Variants in XIRP2 observed in about 807,000 individuals in gnomAD.
XIRP2 encodes the protein xin actin-binding repeat-containing protein 2.
Under a neutral mutation model 277.0 loss-of-function variants are expected in XIRP2, and 236 were observed. That is an observed-to-expected ratio of 0.85 (90% confidence interval 0.77 to 0.95). XIRP2 has a LOEUF of 0.95. Ranked by LOEUF, XIRP2 falls within the 40% of genes least tolerant of loss-of-function variation. The pLI is 0.00. For synonymous variants in XIRP2, 1,490 were observed against 1,416.5 expected, an observed-to-expected ratio of 1.05 and a Z score of -1.17; for missense variants, 4,640 against 4,157.5, an observed-to-expected ratio of 1.12 and a Z score of -3.19.
intron 2 of XIRP2, among the ~76,000 whole-genome samples, chr2:167,064,832 T>A (rs528475179): frequency 6.6e-6 from 1 of 151,952 alleles, no homozygotes; most frequent in Non-Finnish European, 1.5e-5. Flanking sequence ...ATGTCAGAAG[T>A]TTTTCCTTTT....
chr2:167,085,515 G>A (rs371397821), intron 2 of XIRP2, among the ~76,000 whole-genome samples: 12 of 151,958 alleles, frequency 7.9e-5, no homozygotes, highest in South Asian at 6.3e-4. Flanking sequence ...TTTCTGTCTC[G>A]TTGATCTGTC....
At chr2:167,084,854 A>G (rs1248724487) in intron 2 of XIRP2, among the ~76,000 whole-genome samples, 1 of 151,412 alleles carries the variant, frequency 6.6e-6, no homozygotes, top group Non-Finnish European at 1.5e-5. Flanking sequence ...TAGTCTTGCT[A>G]GCGGTCTATC....
At chr2:166,934,290 C>A (rs1167325182) in intron 2 of XIRP2, among the ~76,000 whole-genome samples, 1 of 151,780 alleles carries the variant, frequency 6.6e-6, no homozygotes, top group African/African-American at 2.4e-5. Context: ...TGGAGAAGCC[C>A]ATGTAGCAAG....
chr2:167,138,783 G>A (rs1444872546), intron 3 of XIRP2, among the ~76,000 whole-genome samples: 1 of 152,094 alleles, frequency 6.6e-6, no homozygotes, highest in Non-Finnish European at 1.5e-5. Context: ...CTGATTCGTT[G>A]GGCTGGGCAC....
chr2:167,118,249 A>G (rs1000925206), intron 2 of XIRP2, among the ~76,000 whole-genome samples: 1 of 151,932 alleles, frequency 6.6e-6, no homozygotes, highest in African/African-American at 2.4e-5. Context: ...CGAGGCCGTG[A>G]TGGGCAGATT....
chr2:166,927,927 T>G (rs1437626564), intron 2 of XIRP2, among the ~76,000 whole-genome samples: 1 of 152,116 alleles, frequency 6.6e-6, no homozygotes, highest in East Asian at 1.9e-4. Context: ...TTCATCTAGC[T>G]GGAGGGGAAA....
intron 2 of XIRP2, among the ~76,000 whole-genome samples, chr2:167,014,915 C>T (rs1243967286): frequency 6.6e-6 from 1 of 151,794 alleles, no homozygotes; most frequent in Admixed American, 6.6e-5. Context: ...TGCTTTTTAA[C>T]ACTACGGTAA....
intron 2 of XIRP2, among the ~76,000 whole-genome samples, chr2:167,052,726 C>G (rs1452369854): frequency 2.0e-5 from 3 of 152,048 alleles, no homozygotes; most frequent in Admixed American, 6.6e-5. Flanking sequence ...GATCCAAAAG[C>G]CATTTAAAAA....
chr2:166,903,280 A>G (rs539825282), intron 1 of XIRP2, among the ~76,000 whole-genome samples, 185 bp from the exon 2 acceptor site: 2 of 152,210 alleles, frequency 1.3e-5, no homozygotes, highest in South Asian at 4.1e-4. Flanking sequence ...GTGTAATTCT[A>G]ATTTAACTTA....
At chr2:166,944,884 TCA>T (rs1270138225) in intron 2 of XIRP2, among the ~76,000 whole-genome samples, 3 of 152,128 alleles carry the variant, frequency 2.0e-5, no homozygotes, top group Non-Finnish European at 2.9e-5. Flanking sequence ...GCTATAGAGA[TCA>T]TGTACCGAAT....
At chr2:166,940,212 A>G (rs1335563640) in intron 2 of XIRP2, among the ~76,000 whole-genome samples, 1 of 152,094 alleles carries the variant, frequency 6.6e-6, no homozygotes, top group Admixed American at 6.5e-5. Context: ...TCAATCACTG[A>G]TACCCTTTCT....
intron 3 of XIRP2, among the ~76,000 whole-genome samples, chr2:167,153,088 T>C (rs1355058016): frequency 6.6e-6 from 1 of 152,144 alleles, no homozygotes; most frequent in Non-Finnish European, 1.5e-5. Flanking sequence ...CTCTGTGGAG[T>C]GTATCTCAAA....
chr2:167,241,115 T>G (rs915603951), intron 7 of XIRP2, among the ~76,000 whole-genome samples: 2 of 152,196 alleles, frequency 1.3e-5, no homozygotes, highest in African/African-American at 4.8e-5. Flanking sequence ...CTATTAAGTC[T>G]GGCTCTCCAA....
At chr2:167,002,072 TAGAG>T (rs1392599764) in intron 2 of XIRP2, among the ~76,000 whole-genome samples, 2 of 152,098 alleles carry the variant, frequency 1.3e-5, no homozygotes, top group Admixed American at 6.6e-5. Context: ...CATGATTTCT[TAGAG>T]AGCTATACAA....
At chr2:167,212,314 T>C (rs1411539335) in intron 4 of XIRP2, among the ~76,000 whole-genome samples, 1 of 152,212 alleles carries the variant, frequency 6.6e-6, no homozygotes, top group East Asian at 1.9e-4. Flanking sequence ...GAGGAAACAG[T>C]TGATTTTGAA....
intron 2 of XIRP2, among the ~76,000 whole-genome samples, chr2:167,038,963 A>T (rs189571071): frequency 1.3e-5 from 2 of 152,178 alleles, no homozygotes; most frequent in African/African-American, 2.4e-5. Context: ...TTCATAACTG[A>T]CAAGCAAAAC....
intron 2 of XIRP2, among the ~76,000 whole-genome samples, chr2:167,069,924 C>A (rs190200427): frequency 4.4e-4 from 67 of 152,218 alleles, no homozygotes; most frequent in African/African-American, 1.6e-3. Context: ...GTTACCCTAT[C>A]CCACTGAATG....
Position 167,258,207 on chromosome 2 carries a change from A to C in XIRP2, c.*390A>C. ...CCTAAGAAAACCTTACCCTTTGAGG[A>C]AGAGCTCAAAATGAGTAAACCTAAG... is the stretch of plus-strand genomic sequence containing the variant. On this transcript the variant is annotated 3_prime_UTR_variant, in exon 11 of 11. Coordinates refer to ENST00000409195, the MANE Select transcript of XIRP2 (RefSeq NM_152381.6). 6.2e-7 allele frequency: 1 copy of C among 1,613,078 alleles called. No individual in the cohort carries two copies. Among genetic ancestry groups the C allele is most frequent in the Non-Finnish European group, 8.5e-7 (1 of 1,179,534 alleles).
At chr2:167,067,502 G>A (rs1436056791) in intron 2 of XIRP2, among the ~76,000 whole-genome samples, 1 of 152,044 alleles carries the variant, frequency 6.6e-6, no homozygotes, top group Non-Finnish European at 1.5e-5. Flanking sequence ...CAAGACCACT[G>A]CAATAAAGTG....
Sources: gnomAD v4.1 joint callset for allele counts (sites outside exome capture counted in the v4.1 genomes callset) on GRCh38, gnomAD v4.1.1 for gene constraint, MANE v1.5 for transcripts, NCBI Gene and HGNC (gene_info 2026-07-23, HGNC 2026-07-21) for gene names.